The following DPH7 variants were observed in gnomAD, a reference collection of about 807,000 sequenced individuals.
DPH7 encodes the protein diphthamide biosynthesis 7.
A neutral mutation model predicts 41.7 loss-of-function variants in DPH7; 44 were observed. The ratio of observed to expected loss-of-function variants is 1.05; its 90% confidence interval spans 0.83 to 1.36. The LOEUF (loss-of-function observed/expected upper bound fraction) is 1.36. Ranked by LOEUF, DPH7 falls within the 40% of genes most tolerant of loss-of-function variation. The pLI is 0.00. For missense variants in DPH7, 629 were observed against 577.5 expected, an observed-to-expected ratio of 1.09 and a Z score of -0.91; for synonymous variants, 275 against 238.0, an observed-to-expected ratio of 1.16 and a Z score of -1.43.
At chr9:137,574,064 C>T in intron 5 of DPH7, 144 bp downstream of exon 5, 1 of 849,762 alleles carries the variant, frequency 1.2e-6, no homozygotes, top group East Asian at 2.8e-5. Context: ...GACTCAGTTT[C>T]AAAAAAAAAA....
chr9:137,578,047 G>A (rs1172464959), intron 1 of DPH7: 2 of 973,904 alleles, frequency 2.1e-6, no homozygotes, highest in African/African-American at 1.8e-5. Context: ...GCCGGGGGCG[G>A]TGGCTCGTGC....
Position 137,555,256 on chromosome 9 carries a change from C to T in DPH7, c.1342G>A (p.Glu448Lys), listed in dbSNP as rs1474127914. 1 of 1,603,186 alleles carries T rather than the reference C, an allele frequency of 6.2e-7. No individual in the cohort carries two copies. The highest frequency in any genetic ancestry group is 1.7e-5 in the Admixed American group (1 of 59,010). Residue 448 changes from glutamate (E) to lysine (K), a missense_variant, in exon 9 of 9, where the codon GAG becomes AAG. Coordinates refer to ENST00000277540, the MANE Select transcript of DPH7 (RefSeq NM_138778.5). ...TTTCAAGCTCAGTTCCCCTCCCACTCCCAGAGGTGGAGCGCATGGTCATAG... is the reference window on the plus strand; with the variant it reads ...TTTCAAGCTCAGTTCCCCTCCCACTTCCAGAGGTGGAGCGCATGGTCATAG... ...SFYDHALHLW[E>K]WEGN
chr9:137,576,838 CG>C (rs1189099931), intron 2 of DPH7, among the ~76,000 whole-genome samples: 2 of 151,328 alleles, frequency 1.3e-5, no homozygotes, highest in Non-Finnish European at 2.9e-5. Flanking sequence ...TGCAGTGAGC[CG>C]AGACCGCGCC....
At chr9:137,564,811 C>T (rs530002742) in intron 7 of DPH7, 82 bp downstream of exon 7, 365 of 1,498,876 alleles carry the variant, frequency 2.4e-4, no homozygotes, top group Non-Finnish European at 2.8e-4. Flanking sequence ...GGAAAGGCAG[C>T]GAAAGAGGGA....
At chr9:137,569,539 C>T (rs1002444190) in intron 5 of DPH7, among the ~76,000 whole-genome samples, 63 of 103,940 alleles carry the variant, frequency 6.1e-4, no homozygotes, top group East Asian at 2.1e-3. Flanking sequence ...AACAATCTAC[C>T]ATCCATCCAC....
Position 137,555,295 on chromosome 9 carries a change from C to T in DPH7, c.1303G>A (p.Ala435Thr). 1 of 1,612,678 alleles carries T rather than the reference C, an allele frequency of 6.2e-7. No homozygotes were observed. Among genetic ancestry groups the T allele is most frequent in the Non-Finnish European group, 8.5e-7 (1 of 1,179,230 alleles). The change falls in exon 9 of 9, where the codon GCC becomes ACC. Residue 435 changes from alanine to threonine, a missense_variant. Physicochemically the swap from Ala to Thr is moderately conservative, Grantham distance 58. Coordinates refer to ENST00000277540, the MANE Select transcript of DPH7 (RefSeq NM_138778.5). ...EEADSAFSLL[A>T]TCSFYDHALH... is the part of the protein sequence containing the mutation. Reference sequence around the variant, plus strand: ...GCATGGTCATAGAAGGAGCAGGTGGCCAGGAGGCTGAAGGCTGAGTCTGCT... The same window carrying T: ...GCATGGTCATAGAAGGAGCAGGTGGTCAGGAGGCTGAAGGCTGAGTCTGCT...
intron 1 of DPH7, 136 bp from the exon 2 acceptor site, chr9:137,577,739 G>A: frequency 8.4e-7 from 1 of 1,187,400 alleles, no homozygotes; most frequent in Non-Finnish European, 1.2e-6. Flanking sequence ...AGAACCTCTG[G>A]TTTTCTGAGC....
At chr9:137,575,197 C>A (rs955272479) in intron 3 of DPH7, 16 of 1,015,852 alleles carry the variant, frequency 1.6e-5, no homozygotes, top group Non-Finnish European at 1.9e-5. Flanking sequence ...CAGTTTCCCA[C>A]CCCAGGCCTC....
At chr9:137,575,979 G>A (rs1841311514) in intron 3 of DPH7, 101 bp downstream of exon 3, 17 of 1,580,766 alleles carry the variant, frequency 1.1e-5, no homozygotes, top group Non-Finnish European at 1.5e-5. Context: ...CACCATTGAA[G>A]AGAGATCGTT....
chr9:137,575,059 G>A, intron 3 of DPH7: 2 of 1,342,632 alleles, frequency 1.5e-6, no homozygotes, highest in East Asian at 3.0e-5. Context: ...CCTCACACTT[G>A]CAGGACAACT....
At chr9:137,559,548 G>A (rs1438665387) in intron 8 of DPH7, among the ~76,000 whole-genome samples, 3 of 152,194 alleles carry the variant, frequency 2.0e-5, no homozygotes, top group Non-Finnish European at 4.4e-5. Context: ...CAGTGGTCAC[G>A]CTCCTTGTCC....
At chr9:137,573,511 TC>T (rs1253126050) in intron 5 of DPH7, among the ~76,000 whole-genome samples, 6 of 142,256 alleles carry the variant, frequency 4.2e-5, no homozygotes, top group Admixed American at 1.4e-4. Context: ...ACCCCATCTC[TC>T]TAAAAAAAAA....
Position 137,578,510 on chromosome 9 carries a change from C to T in DPH7, c.153+115G>A, listed in dbSNP as rs550676526. 6.6e-6 allele frequency: 8 copies of T among 1,209,832 alleles called. No homozygotes were observed. The African/African-American group carries it at 1.3e-4, about 19-fold the overall frequency. The allele number at this position is 1,209,832 out of a possible 1,614,324, so 74.9% of individuals were successfully genotyped here. A position where few individuals can be genotyped will look rare whatever the true frequency, so the allele number is the denominator to read the frequency against. Reference sequence around the variant, plus strand: ...AGATTCTAAACTGTTTCCAGCCTACCTCCTGGCCAAAGGGCCAATATCCCC... The same window carrying T: ...AGATTCTAAACTGTTTCCAGCCTACTTCCTGGCCAAAGGGCCAATATCCCC... On this transcript the variant is annotated intron_variant, in intron 1 of 8. Transcript: ENST00000277540.
chr9:137,574,631 T>C lies in DPH7; in HGVS notation c.467+121A>G. 3.1e-6 allele frequency: 3 copies of C among 978,390 alleles called. No homozygotes were observed. The South Asian group carries it at 4.6e-5, about 15-fold the overall frequency. The allele number at this position is 978,390 out of a possible 1,614,324, so 60.6% of individuals were successfully genotyped here. A position where few individuals can be genotyped will look rare whatever the true frequency, so the allele number is the denominator to read the frequency against. On this transcript the variant is annotated intron_variant, in intron 4 of 8. Coordinates refer to ENST00000277540, the MANE Select transcript of DPH7 (RefSeq NM_138778.5). ...TTTTTCATAATAGGACTGGCAGTGA[T>C]GATGTCAGGGCTGAGGAGCACAGTC...
intron 5 of DPH7, among the ~76,000 whole-genome samples, chr9:137,568,686 G>C (rs990175142): frequency 6.6e-6 from 1 of 152,170 alleles, no homozygotes; most frequent in African/African-American, 2.4e-5. Flanking sequence ...TCATCACTGT[G>C]CCTTGACTCT....
At chr9:137,564,845 G>C in intron 7 of DPH7, 48 bp downstream of exon 7, 2 of 1,560,982 alleles carry the variant, frequency 1.3e-6, no homozygotes, top group Non-Finnish European at 8.7e-7. Flanking sequence ...AGCCCCCCGG[G>C]GACAGCGAAA....
chr9:137,571,872 C>A (rs1474312812), intron 5 of DPH7, among the ~76,000 whole-genome samples: 1 of 152,122 alleles, frequency 6.6e-6, no homozygotes, highest in Non-Finnish European at 1.5e-5. Flanking sequence ...GTATTCTAAT[C>A]ACCTAGAATA....
chr9:137,578,496 T>A, intron 1 of DPH7, 129 bp downstream of exon 1: 1 of 1,120,634 alleles, frequency 8.9e-7, no homozygotes, highest in Non-Finnish European at 1.2e-6. Context: ...GATTCTAAAC[T>A]GTTTCCAGCC....
At chr9:137,565,055 G>A (rs754003678) in intron 6 of DPH7, 30 bp downstream of exon 6, 8 of 1,613,588 alleles carry the variant, frequency 5.0e-6, no homozygotes, top group Non-Finnish European at 6.8e-6. Context: ...GGCTGGTGTG[G>A]GCACCGAGTG....
Sources: gnomAD v4.1 joint callset for allele counts (sites outside exome capture counted in the v4.1 genomes callset) on GRCh38, gnomAD v4.1.1 for gene constraint, MANE v1.5 for transcripts, NCBI Gene and HGNC (gene_info 2026-07-23, HGNC 2026-07-21) for gene names.